INTS1: variants seen among roughly 807,000 people sequenced by gnomAD.
INTS1 encodes the protein integrator complex subunit 1.
A neutral mutation model predicts 241.6 loss-of-function variants in INTS1; 137 were observed. The ratio of observed to expected loss-of-function variants is 0.57; its 90% CI spans 0.49 to 0.65. INTS1 has a LOEUF of 0.65. Ranked by LOEUF, INTS1 falls within the 30% of genes least tolerant of loss-of-function variation. The pLI is 0.00. For missense variants in INTS1, 3,073 were observed against 3,032.2 expected, an observed-to-expected ratio of 1.01 and a Z score of -0.32; for synonymous variants, 1,692 against 1,337.8, an observed-to-expected ratio of 1.26 and a Z score of -5.78.
At chr7:1,474,902 G>C in intron 39 of INTS1, 64 bp from the exon 40 acceptor site, 1 of 1,519,286 alleles carries the variant, frequency 6.6e-7, no homozygotes, top group East Asian at 2.5e-5. Context: ...CCCACACTCA[G>C]CCTGGCCGCC....
At position 1,493,558 on chromosome 7, in the gene INTS1, T is replaced by C. The variant is rs184858226; in HGVS notation, c.2068+196A>G. 4.1e-3 allele frequency among the ~76,000 whole-genome samples: 624 copies of C among 151,522 alleles called. 3 individuals carry two copies. The highest frequency in any genetic ancestry group is 0.014 in the African/African-American group (570 of 41,140). ...AAAGAACGGGGCAGTGACTGCACCA[T>C]TGCCAAATACACGCACGCTTCTGAA... On this transcript the variant is annotated intron_variant, in intron 15 of 47. Transcript: ENST00000404767. This position sits in a 1 kb window ranked among gnomAD's most constrained non-coding sequence, Gnocchi z 5.3.
rs372897310 is a variant in INTS1 at position 1,478,388 on chromosome 7, C to A, written c.4608G>T (p.Val1536=). ...TACCTTTGCTGATCAGGTCCGGCTC[C>A]ACGCTGCACTGCTCCCCAGACCTCA... is the stretch of plus-strand genomic sequence containing the variant. ...ATLRSGEQCS[V]EPDLISKVLQ... The change falls in exon 33 of 48, where the codon GTG becomes GTT. Residue 1536 remains valine, a synonymous_variant. Transcript: ENST00000404767. 8.1e-6 allele frequency: 13 copies of A among 1,612,694 alleles called. No individual in the cohort carries two copies. The African/African-American group carries it at 1.3e-4, about 17-fold the overall frequency.
chr7:1,482,807 G>A, intron 26 of INTS1, 100 bp from the exon 27 acceptor site: 1 of 1,435,256 alleles, frequency 7.0e-7, no homozygotes, highest in Non-Finnish European at 9.5e-7. Context: ...TCCCGAGAAG[G>A]AAACTGAGAC....
intron 29 of INTS1, 100 bp downstream of exon 29, chr7:1,480,735 G>GC: frequency 2.1e-6 from 2 of 960,578 alleles, no homozygotes. Context: ...TGCCCTGTGT[G>GC]GCTGTGCAGG....
In INTS1 at chr7:1,481,672, C is replaced by G. The variant is rs1782005435; in HGVS notation, c.3704-184G>C. 6.8e-6 allele frequency among the ~76,000 whole-genome samples: 1 copy of G among 146,600 alleles called. No individual in the cohort carries two copies. Among genetic ancestry groups the G allele is most frequent in the Non-Finnish European group, 1.5e-5 (1 of 66,580 alleles). On this transcript the variant is annotated intron_variant, in intron 27 of 47. Coordinates refer to ENST00000404767, the MANE Select transcript of INTS1 (RefSeq NM_001080453.3). The surrounding 1 kb of genome is among the most constrained non-coding windows in gnomAD (Gnocchi z 6.8). Reference sequence around the variant, plus strand: ...ACACTCGGCAGCCCCACCTGAGACCCTGGGCCACGTGGGCTCGGTGACCCC... The same window carrying G: ...ACACTCGGCAGCCCCACCTGAGACCGTGGGCCACGTGGGCTCGGTGACCCC...
rs1385754884 is a variant in INTS1 at position 1,493,712 on chromosome 7, G to T, written c.2068+42C>A. The stretch of plus-strand genomic sequence containing the variant: ...GCCGGGGTTTCTGCAGGGACGAGGG[G>T]AGCAGACCCAGCACAGGCGCCATCC... On this transcript the variant is annotated intron_variant, in intron 15 of 47. Coordinates refer to ENST00000404767, the MANE Select transcript of INTS1 (RefSeq NM_001080453.3). This position sits in a 1 kb window ranked among gnomAD's most constrained non-coding sequence, Gnocchi z 5.3. The T allele has an allele frequency of 1.3e-6, 2 of 1,540,114 alleles. No individual in the cohort carries two copies. The highest frequency in any genetic ancestry group is 1.8e-6 in the Non-Finnish European group (2 of 1,141,304).
chr7:1,497,333 G>A lies in INTS1; in HGVS notation c.1426-19C>T, dbSNP rs200702947. ...CCAGGAACTGGGGCAGAGAGAGGCCGCGTGGGAGGCTGCCCGACAGTGCTG... is the reference window on the plus strand; with the variant it reads ...CCAGGAACTGGGGCAGAGAGAGGCCACGTGGGAGGCTGCCCGACAGTGCTG... On this transcript the variant is annotated intron_variant, in intron 10 of 47. Coordinates refer to ENST00000404767, the MANE Select transcript of INTS1 (RefSeq NM_001080453.3). The surrounding 1 kb of genome is among the most constrained non-coding windows in gnomAD (Gnocchi z 5.3). The A allele has an allele frequency of 9.3e-5, 149 of 1,605,370 alleles. No individual in the cohort carries two copies. The highest frequency in any genetic ancestry group is 7.9e-4 in the South Asian group (71 of 89,966).
chr7:1,494,484 AG>A, intron 14 of INTS1: 1 of 418,720 alleles, frequency 2.4e-6, no homozygotes, highest in Non-Finnish European at 4.5e-6. Flanking sequence ...GGACAGAAGC[AG>A]GGGCAGACGG....
At chr7:1,471,251 G>A (rs1187123679) in intron 45 of INTS1, 27 bp from the exon 46 acceptor site, 23 of 1,554,664 alleles carry the variant, frequency 1.5e-5, no homozygotes, top group Middle Eastern at 1.7e-4. Context: ...TGGGAGGTGT[G>A]TGACCAAGGG....
Position 1,476,335 on chromosome 7 carries a change from T to A in INTS1, c.5272A>T (p.Ile1758Phe). ...AGCAGCAGGGGCAGCCGGGCCTGGA[T>A]GAGGCTGCAGGCGGCTGTGTCCCCG... Reference protein sequence around the residue: ...QDGDTAACSLIQARLPLLLSC... With the variant: ...QDGDTAACSLFQARLPLLLSC... Residue 1758 changes from isoleucine to phenylalanine, a missense_variant, in exon 38 of 48, where the codon ATC becomes TTC. Ile to Phe is a conservative substitution (Grantham distance 21). Coordinates refer to ENST00000404767, the MANE Select transcript of INTS1 (RefSeq NM_001080453.3). 6.3e-7 allele frequency: 1 copy of A among 1,584,668 alleles called. No individual in the cohort carries two copies. Among genetic ancestry groups the A allele is most frequent in the South Asian group, 1.2e-5 (1 of 86,822 alleles).
At chr7:1,471,400 C>A (rs773714296) in intron 45 of INTS1, among the ~76,000 whole-genome samples, 171 bp downstream of exon 45, 1 of 152,206 alleles carries the variant, frequency 6.6e-6, no homozygotes, top group Non-Finnish European at 1.5e-5. Context: ...GGCAGGCCTG[C>A]TCTGGCGGCG....
chr7:1,488,097 C>G, intron 18 of INTS1, 140 bp from the exon 19 acceptor site: 1 of 869,918 alleles, frequency 1.1e-6, no homozygotes, highest in Admixed American at 2.0e-5. Flanking sequence ...CACAGGGCGC[C>G]CGGTAGCATC....
chr7:1,496,422 A>T (rs1339501053), intron 11 of INTS1, among the ~76,000 whole-genome samples, 158 bp from the exon 12 acceptor site: 2 of 126,642 alleles, frequency 1.6e-5, no homozygotes, highest in Non-Finnish European at 3.3e-5. Context: ...TCCAGAAGGG[A>T]CACCCGGGAG....
At position 1,500,317 on chromosome 7, in the gene INTS1, G is replaced by A. The variant is rs757636649; in HGVS notation, c.399C>T (p.Gly133=). Residue 133 remains glycine, a synonymous_variant, in exon 4 of 48, where the codon GGC becomes GGT. Coordinates refer to ENST00000404767, the MANE Select transcript of INTS1 (RefSeq NM_001080453.3). ...LDEIEAAELE[G]NDDRIEGVLC... ...GCACGCCCTCGATCCTGTCATCGTT[G>A]CCCTCCAGCTCGGCCGCCTCGATCT... 1.3e-6 allele frequency: 2 copies of A among 1,592,304 alleles called. No homozygotes were observed. Among genetic ancestry groups the A allele is most frequent in the Non-Finnish European group, 1.7e-6 (2 of 1,167,746 alleles).
chr7:1,489,546 C>T, intron 17 of INTS1, 45 bp downstream of exon 17: 2 of 1,526,016 alleles, frequency 1.3e-6, no homozygotes, highest in Non-Finnish European at 1.8e-6. Flanking sequence ...GGAATAAGGA[C>T]CAGCAGGGCC....
At chr7:1,494,424 G>A in intron 14 of INTS1, 1 of 309,884 alleles carries the variant, frequency 3.2e-6, no homozygotes, top group African/African-American at 2.2e-5. Flanking sequence ...CTTGAAGGGG[G>A]ACAGAGCTGT....
intron 39 of INTS1, among the ~76,000 whole-genome samples, chr7:1,475,559 T>C (rs1270833615): frequency 6.6e-6 from 1 of 152,104 alleles, no homozygotes; most frequent in African/African-American, 2.4e-5. Context: ...GGCCCAGCTC[T>C]CCCCACCAGG....
intron 41 of INTS1, 128 bp from the exon 42 acceptor site, chr7:1,473,821 C>T: frequency 8.2e-7 from 1 of 1,213,952 alleles, no homozygotes; most frequent in Non-Finnish European, 1.2e-6. Context: ...CTGCCAACCA[C>T]TGGGGCGTCA....
chr7:1,491,599 A>C (rs1782548422), intron 16 of INTS1, among the ~76,000 whole-genome samples: 2 of 152,216 alleles, frequency 1.3e-5, no homozygotes, highest in South Asian at 4.1e-4. Context: ...GATTTGCTCA[A>C]AATTGAAAAC....
Sources: gnomAD v4.1 joint callset for allele counts (sites outside exome capture counted in the v4.1 genomes callset) on GRCh38, gnomAD v4.1.1 for gene constraint, Gnocchi (gnomAD v3.1) non-coding constraint, MANE v1.5 for transcripts, NCBI Gene and HGNC (gene_info 2026-07-23, HGNC 2026-07-21) for gene names.